PRKG1: variants seen among roughly 807,000 people sequenced by gnomAD.
PRKG1 encodes the protein cGMP-dependent protein kinase 1.
In PRKG1, 35 loss-of-function variants were observed where a neutral mutation model predicts 88.1. The ratio of observed to expected loss-of-function variants is 0.40; its 90% CI spans 0.30 to 0.53. The LOEUF (loss-of-function observed/expected upper bound fraction) is 0.53, where lower values mean the gene tolerates loss of function less well. Among genes scored for constraint, PRKG1 ranks in the 20% least tolerant of loss-of-function variants. The pLI, the probability that PRKG1 is intolerant of heterozygous loss-of-function variation, is 0.59. For missense variants in PRKG1, 540 were observed against 839.8 expected (o/e 0.64, Z 4.41); for synonymous variants, 303 against 292.5 (o/e 1.04, Z -0.37).
At chr10:51,618,312 T>C (rs1839116230) in intron 3 of PRKG1, among the ~76,000 whole-genome samples, 1 of 152,188 alleles carries the variant, frequency 6.6e-6, no homozygotes, top group Admixed American at 6.6e-5. Context: ...GAAAATTATA[T>C]ATGTAGGTCA....
intron 2 of PRKG1, among the ~76,000 whole-genome samples, chr10:51,267,869 A>G (rs1839876871): frequency 1.3e-5 from 2 of 152,218 alleles, no homozygotes; most frequent in African/African-American, 4.8e-5. Flanking sequence ...AGAGTGGGAG[A>G]AAATATTTGC....
At chr10:51,534,944 G>A (rs886615741) in intron 3 of PRKG1, among the ~76,000 whole-genome samples, 5 of 151,974 alleles carry the variant, frequency 3.3e-5, no homozygotes, top group African/African-American at 1.2e-4. Context: ...TCAATATCAT[G>A]CCAACCAACA....
At chr10:51,675,469 A>G (rs1840687134) in intron 3 of PRKG1, among the ~76,000 whole-genome samples, 3 of 152,210 alleles carry the variant, frequency 2.0e-5, no homozygotes, top group Admixed American at 2.0e-4. Context: ...TTTAAACACC[A>G]TTAAGTCTAA....
chr10:51,508,970 C>A (rs1841311638), intron 3 of PRKG1, among the ~76,000 whole-genome samples: 1 of 152,128 alleles, frequency 6.6e-6, no homozygotes, highest in Admixed American at 6.5e-5. Context: ...ATCTAAAGGG[C>A]ATTTCAGATT....
intron 4 of PRKG1, among the ~76,000 whole-genome samples, chr10:51,864,291 C>T (rs1840961006): frequency 6.6e-6 from 1 of 152,204 alleles, no homozygotes; most frequent in Non-Finnish European, 1.5e-5. Flanking sequence ...GTTATTGGTT[C>T]CTCTGCCCAT....
At chr10:51,372,964 G>A (rs1032528320) in intron 2 of PRKG1, among the ~76,000 whole-genome samples, 22 of 151,974 alleles carry the variant, frequency 1.4e-4, no homozygotes, top group African/African-American at 4.6e-4. Context: ...ACTTATGTTC[G>A]TGACAGAGAG....
intron 2 of PRKG1, among the ~76,000 whole-genome samples, chr10:51,169,797 T>C: frequency 6.6e-6 from 1 of 152,092 alleles, no homozygotes; most frequent in South Asian, 2.1e-4. Flanking sequence ...AGTCATTCCT[T>C]CCTCATTTGT....
rs144672601 is a variant in PRKG1 at position 51,326,430 on chromosome 10, T to C, written c.479-141293T>C. ...GCTCCAGACACATATTTCTGAAAAT[T>C]ATGATGATAGGAGTAAATAAGTTTC... On this transcript the variant is annotated intron_variant, in intron 2 of 17. Transcript: ENST00000373980. 5.3e-3 allele frequency among the ~76,000 whole-genome samples: 813 copies of C among 152,326 alleles called. 9 individuals are homozygous for C. Among genetic ancestry groups the C allele is most frequent in the African/African-American group, 0.019 (772 of 41,576 alleles).
chr10:51,625,248 G>A (rs534007436), intron 3 of PRKG1, among the ~76,000 whole-genome samples: 3 of 152,098 alleles, frequency 2.0e-5, no homozygotes, highest in Admixed American at 6.5e-5. Context: ...GAGGCTGAGC[G>A]GGTGGATCAC....
At chr10:51,379,635 A>T (rs982185114) in intron 2 of PRKG1, among the ~76,000 whole-genome samples, 1 of 152,236 alleles carries the variant, frequency 6.6e-6, no homozygotes, top group African/African-American at 2.4e-5. Flanking sequence ...GCAAGTTTTG[A>T]AACTTCACAT....
intron 3 of PRKG1, among the ~76,000 whole-genome samples, chr10:51,680,185 C>T (rs978343754): frequency 5.9e-5 from 9 of 151,582 alleles, no homozygotes; most frequent in Non-Finnish European, 1.0e-4. Flanking sequence ...ATCCTTCATC[C>T]GGATAAAAGG....
At chr10:51,777,770 C>T (rs1024303212) in intron 3 of PRKG1, among the ~76,000 whole-genome samples, 1 of 152,186 alleles carries the variant, frequency 6.6e-6, no homozygotes, top group African/African-American at 2.4e-5. Context: ...CCTGTCTTTT[C>T]ATCACTCCCA....
At chr10:51,573,866 G>A (rs1054748638) in intron 3 of PRKG1, among the ~76,000 whole-genome samples, 3 of 151,888 alleles carry the variant, frequency 2.0e-5, no homozygotes, top group African/African-American at 7.2e-5. Context: ...CTTGACAGTT[G>A]TGAGTGGTTT....
At chr10:51,163,377 T>C (rs1435543986) in intron 2 of PRKG1, among the ~76,000 whole-genome samples, 1 of 152,170 alleles carries the variant, frequency 6.6e-6, no homozygotes, top group Non-Finnish European at 1.5e-5. Context: ...CCTATGAAGA[T>C]GGTTTTCCAT....
rs1370939986 is a variant in PRKG1, at chr10:51,205,532, CT to C, written c.478+52209del. Among the ~76,000 whole-genome samples the C allele has an allele frequency of 2.0e-5, 3 of 151,438 alleles. No individual in the cohort carries two copies. The East Asian group carries it at 5.8e-4, about 29-fold the overall frequency. On this transcript the variant is annotated intron_variant, in intron 2 of 17. Coordinates refer to ENST00000373980, the MANE Select transcript of PRKG1 (RefSeq NM_006258.4). ...TCACATTTTGTATTGGGTAATAGGG[CT>C]TTTTTTAAACTTTTATTTCTTGAGA...
chr10:51,213,493 G>T (rs1048066917), intron 2 of PRKG1, among the ~76,000 whole-genome samples: 1 of 152,128 alleles, frequency 6.6e-6, no homozygotes, highest in Non-Finnish European at 1.5e-5. Context: ...AGTTATATAT[G>T]TCTTTCTAGC....
intron 3 of PRKG1, among the ~76,000 whole-genome samples, chr10:51,493,283 C>T (rs943301211): frequency 2.0e-5 from 3 of 151,986 alleles, no homozygotes; most frequent in African/African-American, 7.3e-5. Context: ...TTACTTTGTC[C>T]AACATGGATT....
intron 5 of PRKG1, among the ~76,000 whole-genome samples, chr10:52,000,134 C>T (rs1844556724): frequency 6.6e-6 from 1 of 151,874 alleles, no homozygotes; most frequent in South Asian, 2.1e-4. Flanking sequence ...AAATGCAGTT[C>T]CACATTTATG....
At chr10:52,241,392 A>G (rs1194039286) in intron 9 of PRKG1, among the ~76,000 whole-genome samples, 3 of 152,182 alleles carry the variant, frequency 2.0e-5, no homozygotes, top group African/African-American at 7.2e-5. Flanking sequence ...AGCTTCGTAG[A>G]CATGTCCAAT....
Sources: gnomAD v4.1 joint callset for allele counts (sites outside exome capture counted in the v4.1 genomes callset) on GRCh38, gnomAD v4.1.1 for gene constraint, MANE v1.5 for transcripts, NCBI Gene and HGNC (gene_info 2026-07-23, HGNC 2026-07-21) for gene names.